GSDME: variants seen among roughly 807,000 people sequenced by gnomAD.
GSDME encodes the protein gasdermin-E.
GSDME carries 44 observed loss-of-function variants against 47.5 expected under a neutral mutation model. That is an observed-to-expected ratio of 0.93 (90% confidence interval 0.73 to 1.19). The LOEUF (loss-of-function observed/expected upper bound fraction) is 1.19, where lower values mean the gene tolerates loss of function less well. Ranked by LOEUF, GSDME falls within the 50% of genes most tolerant of loss-of-function variation. GSDME has a pLI of 0.00. For missense variants in GSDME, 663 were observed against 604.2 expected (o/e 1.10, Z -1.02); for synonymous variants, 258 against 252.8 (o/e 1.02, Z -0.20).
the GSDME span, among the ~76,000 whole-genome samples, chr7:24,775,174 T>C: frequency 6.6e-6 from 1 of 152,160 alleles, no homozygotes; most frequent in Non-Finnish European, 1.5e-5. Context: ...TCTCATGCTG[T>C]TACAAAATAT....
At position 24,717,282 on chromosome 7, in the gene GSDME, C is replaced by T; in HGVS notation, c.669G>A (p.Glu223=). 1.9e-6 allele frequency: 3 copies of T among 1,607,524 alleles called. No individual in the cohort carries two copies. The South Asian group carries it at 3.3e-5, about 18-fold the overall frequency. The part of the protein sequence containing the change: ...AATTIAYGVI[E]LYVKLDGQFE... ...ACTGGCCGTCCAGTTTCACGTATAA[C>T]TCAATGACACCGTAGGCAATGGTGG... The change falls in exon 5 of 10, where the codon GAG becomes GAA. Residue 223 remains glutamate (E), a synonymous_variant. Transcript: ENST00000645220.
rs936972930 is a variant in GSDME at position 24,721,832 on chromosome 7, C to G, written c.405-2614G>C. The stretch of plus-strand genomic sequence containing the variant: ...GAGGCCCCATGTGATCTGCCCTGCC[C>G]CCTGTTGACTTTATCTTCCAGCCTT... On this transcript the variant is annotated intron_variant, in intron 3 of 9. Coordinates refer to ENST00000645220, the MANE Select transcript of GSDME (RefSeq NM_001127453.2). This position sits in a 1 kb window ranked among gnomAD's most constrained non-coding sequence, Gnocchi z 4.1. Among the ~76,000 whole-genome samples, 1 of 152,166 alleles carries G rather than the reference C, an allele frequency of 6.6e-6. No individual in the cohort carries two copies. The highest frequency in any genetic ancestry group is 6.5e-5 in the Admixed American group (1 of 15,284).
intron 3 of GSDME, among the ~76,000 whole-genome samples, chr7:24,723,903 C>T (rs1179901641): frequency 1.3e-5 from 2 of 152,270 alleles, no homozygotes; most frequent in Non-Finnish European, 2.9e-5. Context: ...TCAGAATATC[C>T]ATGCCTGCCT....
chr7:24,762,462 T>C (rs887125036), upstream of GSDME, among the ~76,000 whole-genome samples: 2 of 152,170 alleles, frequency 1.3e-5, no homozygotes, highest in African/African-American at 4.8e-5. Flanking sequence ...TTTTTTCATC[T>C]GATTATCGTT....
the GSDME span, among the ~76,000 whole-genome samples, chr7:24,768,291 G>A: frequency 2.0e-5 from 3 of 152,178 alleles, no homozygotes; most frequent in African/African-American, 7.2e-5. The surrounding 1 kb of genome is among the most constrained non-coding windows in gnomAD (Gnocchi z 5.6). Context: ...TGTGCCTGGA[G>A]GTAATAGAAG....
At chr7:24,706,428 ACAGCTGGGGCCT>A (rs1789108895) in intron 7 of GSDME, 52 bp from the exon 8 acceptor site, 2 of 1,566,042 alleles carry the variant, frequency 1.3e-6, no homozygotes, top group South Asian at 2.3e-5. Flanking sequence ...ACCAAGCGCC[ACAGCTGGGGCCT>A]CCGCTCACAG....
Position 24,716,078 on chromosome 7 carries a change from T to C in GSDME, c.697+1176A>G, listed in dbSNP as rs2128052401. ...GTGGGCTTAGCGAGGGCAGGAGCTG[T>C]CTCACGGGAGACTGCCCCCCACCCG... On this transcript the variant is annotated intron_variant, in intron 5 of 9. Coordinates refer to ENST00000645220, the MANE Select transcript of GSDME (RefSeq NM_001127453.2). This position sits in a 1 kb window ranked among gnomAD's most constrained non-coding sequence, Gnocchi z 4.5. Among the ~76,000 whole-genome samples the C allele has an allele frequency of 6.6e-6, 1 of 152,264 alleles. No homozygotes were observed. The highest frequency in any genetic ancestry group is 2.4e-5 in the African/African-American group (1 of 41,542).
At chr7:24,779,486 G>C in the GSDME span, among the ~76,000 whole-genome samples, 3 of 124,018 alleles carry the variant, frequency 2.4e-5, no homozygotes, top group African/African-American at 1.0e-4. The surrounding 1 kb of genome is among the most constrained non-coding windows in gnomAD (Gnocchi z 6.0). Context: ...CCAGGGTGGG[G>C]AAGTGATACA....
At chr7:24,776,180 CAAA>C in the GSDME span, among the ~76,000 whole-genome samples, 4 of 70,706 alleles carry the variant, frequency 5.7e-5, no homozygotes, top group African/African-American at 1.1e-4. Flanking sequence ...AACTCCATCT[CAAA>C]AAAAAAAAAA....
rs1789539801 is a variant in GSDME, at chr7:24,716,028, G to A, written c.697+1226C>T. Among the ~76,000 whole-genome samples, 1 of 152,200 alleles carries A rather than the reference G, an allele frequency of 6.6e-6. No individual in the cohort carries two copies. The highest frequency in any genetic ancestry group is 2.4e-5 in the African/African-American group (1 of 41,446). On this transcript the variant is annotated intron_variant, in intron 5 of 9. Coordinates refer to ENST00000645220, the MANE Select transcript of GSDME (RefSeq NM_001127453.2). This position sits in a 1 kb window ranked among gnomAD's most constrained non-coding sequence, Gnocchi z 4.5. Reference sequence around the variant, plus strand: ...GCATTCTGTTTGAGTCCCTCTAGTGGCTGCTGAATGGCGTAGTGACTCATG... The same window carrying A: ...GCATTCTGTTTGAGTCCCTCTAGTGACTGCTGAATGGCGTAGTGACTCATG...
intron 6 of GSDME, among the ~76,000 whole-genome samples, chr7:24,709,038 A>ATGAGGATGGACGATTCCAACTAGC (rs1789241262): frequency 1.3e-5 from 2 of 152,354 alleles, no homozygotes; most frequent in South Asian, 4.1e-4. Flanking sequence ...TGTACCACCC[A>ATGAGGATGGACGATTCCAACTAGC]TGAGGATGGA....
Position 24,698,792 on chromosome 7 carries a change from C to T in GSDME, c.*234G>A, listed in dbSNP as rs901114550. On this transcript the variant is annotated 3_prime_UTR_variant, in exon 10 of 10. Coordinates refer to ENST00000645220, the MANE Select transcript of GSDME (RefSeq NM_001127453.2). ...CTCCGCCCTCCCAGCTCTTTACATG[C>T]TGGAACCTAACTCAGATGCTGGGTC... 1.8e-6 allele frequency: 1 copy of T among 558,740 alleles called. No individual in the cohort carries two copies. The highest frequency in any genetic ancestry group is 3.2e-6 in the Non-Finnish European group (1 of 310,370). The allele number at this position is 558,740 out of a possible 1,614,324, so 34.6% of individuals were successfully genotyped here.
the GSDME span, among the ~76,000 whole-genome samples, chr7:24,783,590 G>A: frequency 1.3e-5 from 2 of 152,154 alleles, no homozygotes; most frequent in South Asian, 2.1e-4. Context: ...AGGTTTACAA[G>A]CAGATTAATG....
chr7:24,710,869 AAAT>A (rs1257913268), intron 5 of GSDME, among the ~76,000 whole-genome samples: 2 of 152,234 alleles, frequency 1.3e-5, no homozygotes, highest in African/African-American at 4.8e-5. Flanking sequence ...CAGCAATAAA[AAAT>A]AAAATACTGA....
rs887353818 is a variant in GSDME at position 24,721,884 on chromosome 7, G to A, written c.405-2666C>T. Among the ~76,000 whole-genome samples the A allele has an allele frequency of 6.6e-6, 1 of 152,162 alleles. No individual in the cohort carries two copies. The highest frequency in any genetic ancestry group is 2.4e-5 in the African/African-American group (1 of 41,442). ...TTACTACTCCTTAAAAATGCCAGGT[G>A]TGTGCCTACCCCGAGGCGTTGGCAC... On this transcript the variant is annotated intron_variant, in intron 3 of 9. Transcript: ENST00000645220. The surrounding 1 kb of genome is among the most constrained non-coding windows in gnomAD (Gnocchi z 4.1).
In GSDME at chr7:24,716,883, G is replaced by A. The variant is rs1584066522; in HGVS notation, c.697+371C>T. ...AGACAGGGAAGCCAAGACTCAGCAAGATTCAGCAACTTGCCTGAGACCTCA... is the reference window on the plus strand; with the variant it reads ...AGACAGGGAAGCCAAGACTCAGCAAAATTCAGCAACTTGCCTGAGACCTCA... On this transcript the variant is annotated intron_variant, in intron 5 of 9. Coordinates refer to ENST00000645220, the MANE Select transcript of GSDME (RefSeq NM_001127453.2). This position sits in a 1 kb window ranked among gnomAD's most constrained non-coding sequence, Gnocchi z 4.5. The A allele has an allele frequency of 6.2e-6, 2 of 320,912 alleles. No individual in the cohort carries two copies. Among genetic ancestry groups the A allele is most frequent in the Non-Finnish European group, 6.1e-6 (1 of 163,442 alleles). The allele number at this position is 320,912 out of a possible 1,614,324, so 19.9% of individuals were successfully genotyped here.
At chr7:24,711,175 C>T (rs1001887131) in intron 5 of GSDME, among the ~76,000 whole-genome samples, 14 of 152,172 alleles carry the variant, frequency 9.2e-5, no homozygotes, top group Admixed American at 7.9e-4. Flanking sequence ...ACATTATTAT[C>T]TCTACTTTTT....
rs1258386540 is a variant in GSDME at position 24,735,936 on chromosome 7, C to T, written c.404+8626G>A. ...TTTTCTTTTTATTTGTTTATGCTAG[C>T]AGTGTTAAGTTGTTATCAGCTTAAA... On this transcript the variant is annotated intron_variant, in intron 3 of 9. Transcript: ENST00000645220. The surrounding 1 kb of genome is among the most constrained non-coding windows in gnomAD (Gnocchi z 4.4). 6.6e-6 allele frequency among the ~76,000 whole-genome samples: 1 copy of T among 151,998 alleles called. No homozygotes were observed. The highest frequency in any genetic ancestry group is 1.5e-5 in the Non-Finnish European group (1 of 68,014).
At chr7:24,768,198 C>G in the GSDME span, among the ~76,000 whole-genome samples, 1 of 152,188 alleles carries the variant, frequency 6.6e-6, no homozygotes, top group Non-Finnish European at 1.5e-5. The surrounding 1 kb of genome is among the most constrained non-coding windows in gnomAD (Gnocchi z 5.6). Context: ...GAGTAAAAAA[C>G]TCAACTGCAG....
Sources: allele counts gnomAD v4.1 joint callset (sites outside exome capture counted in the v4.1 genomes callset), GRCh38; gene constraint gnomAD v4.1.1; non-coding constraint Gnocchi (gnomAD v3.1); transcripts MANE v1.5; gene names NCBI Gene and HGNC (gene_info 2026-07-23, HGNC 2026-07-21).